The following RBFOX1 variants were observed in gnomAD, a reference collection of about 807,000 sequenced individuals.
RBFOX1 encodes the protein RNA binding fox-1 homolog 1.
Under a neutral mutation model 57.7 loss-of-function variants are expected in RBFOX1, and 8 were observed. The observed-to-expected ratio is 0.14, with a 90% CI of 0.08 to 0.25. The LOEUF is 0.25. RBFOX1 is among the 10% of genes least tolerant of loss of function. The pLI is 1.00. For missense variants in RBFOX1, 611 were observed against 548.5 expected, an observed-to-expected ratio of 1.11 and a Z score of -1.14; for synonymous variants, 326 against 222.4, an observed-to-expected ratio of 1.47 and a Z score of -4.15.
intron 3 of RBFOX1, among the ~76,000 whole-genome samples, chr16:5,661,662 G>A (rs1044645552): frequency 8.5e-5 from 13 of 152,314 alleles, no homozygotes; most frequent in South Asian, 2.1e-4. Flanking sequence ...GTCCTCACCC[G>A]TAGTTAGTTA....
chr16:6,494,159 C>T (rs1430765400), intron 2 of RBFOX1, among the ~76,000 whole-genome samples: 5 of 152,204 alleles, frequency 3.3e-5, no homozygotes, highest in Admixed American at 6.5e-5. Flanking sequence ...TTTTACCAAA[C>T]TGTAGTATCA....
intron 2 of RBFOX1, among the ~76,000 whole-genome samples, chr16:6,552,538 C>T (rs945713385): frequency 6.6e-6 from 1 of 152,150 alleles, no homozygotes. Context: ...TAAATGTTAC[C>T]TGTTATCCCA....
intron 2 of RBFOX1, among the ~76,000 whole-genome samples, chr16:6,586,715 C>G (rs771201481): frequency 6.6e-6 from 1 of 152,132 alleles, no homozygotes; most frequent in African/African-American, 2.4e-5. Context: ...AGCTCAGGAG[C>G]CTGACGGCAA....
At chr16:5,860,839 G>T (rs1435343090) in intron 3 of RBFOX1, among the ~76,000 whole-genome samples, 2 of 152,164 alleles carry the variant, frequency 1.3e-5, no homozygotes, top group African/African-American at 4.8e-5. Context: ...AGCAAAAAGA[G>T]GCCCTGATCT....
intron 1 of RBFOX1, among the ~76,000 whole-genome samples, chr16:5,347,143 C>T (rs757415147): frequency 1.3e-5 from 2 of 152,138 alleles, no homozygotes; most frequent in Admixed American, 6.5e-5. Context: ...CCTGATATCT[C>T]CCCTTCCTGC....
chr16:6,008,779 G>C (rs963310016), intron 4 of RBFOX1, among the ~76,000 whole-genome samples: 16 of 152,232 alleles, frequency 1.1e-4, no homozygotes, highest in Admixed American at 2.0e-4. Context: ...CATCTGTCCT[G>C]TGCTGTTCTG....
chr16:5,383,175 C>A (rs1770862630), intron 1 of RBFOX1, among the ~76,000 whole-genome samples: 1 of 152,176 alleles, frequency 6.6e-6, no homozygotes, highest in Non-Finnish European at 1.5e-5. Context: ...GAGACACAGC[C>A]AACAAGTCTT....
chr16:7,691,532 A>C (rs2077336247), intron 14 of RBFOX1, among the ~76,000 whole-genome samples: 1 of 136,088 alleles, frequency 7.3e-6, no homozygotes, highest in Non-Finnish European at 1.5e-5. Flanking sequence ...GTGCAGACTC[A>C]AAAAGAATAC....
intron 2 of RBFOX1, among the ~76,000 whole-genome samples, chr16:6,635,674 G>C (rs899109943): frequency 6.6e-6 from 1 of 152,138 alleles, no homozygotes; most frequent in Non-Finnish European, 1.5e-5. Flanking sequence ...TAAATCCAAT[G>C]AGTCTTACGG....
At chr16:6,009,491 C>T (rs920555123) in intron 4 of RBFOX1, among the ~76,000 whole-genome samples, 2 of 152,170 alleles carry the variant, frequency 1.3e-5, no homozygotes, top group African/African-American at 4.8e-5. Flanking sequence ...AGAAATGGCA[C>T]TTCCTGAGTG....
chr16:6,230,471 C>G (rs2097450837), intron 1 of RBFOX1, among the ~76,000 whole-genome samples: 1 of 152,148 alleles, frequency 6.6e-6, no homozygotes, highest in South Asian at 2.1e-4. Context: ...AAAACTTTTG[C>G]TTTTAACCTG....
At position 5,974,275 on chromosome 16, in the gene RBFOX1, A is replaced by G. The variant is rs1015757; in HGVS notation, c.351+106940A>G. Among the ~76,000 whole-genome samples, 712 of 152,338 alleles carry G rather than the reference A, an allele frequency of 4.7e-3. 5 individuals carry two copies. The highest frequency in any genetic ancestry group is 0.015 in the African/African-American group (641 of 41,564). On this transcript the variant is annotated intron_variant, in intron 4 of 19. Coordinates refer to the RBFOX1 transcript ENST00000641259. ...GGTAGAGTTTCATGAATAACTTGAT[A>G]AAGCCTTATTTCTCATCAAAGAGAG...
chr16:6,789,615 T>C (rs529733762), intron 3 of RBFOX1, among the ~76,000 whole-genome samples: 1 of 152,320 alleles, frequency 6.6e-6, no homozygotes, highest in East Asian at 1.9e-4. Context: ...GTGCCCATCT[T>C]TGCATAAAAG....
chr16:5,516,771 G>A (rs2043808040), intron 2 of RBFOX1, among the ~76,000 whole-genome samples: 1 of 152,106 alleles, frequency 6.6e-6, no homozygotes. Context: ...AGATCTGTTG[G>A]TTTTATAAGG....
chr16:6,038,434 A>C (rs2095395414), intron 1 of RBFOX1: 1 of 149,768 alleles, frequency 6.7e-6, no homozygotes, highest in African/African-American at 2.4e-5. Context: ...TGCCCACCTC[A>C]GCCTGCCAAA....
intron 4 of RBFOX1, among the ~76,000 whole-genome samples, chr16:7,099,334 T>A (rs888697464): frequency 2.6e-5 from 4 of 152,142 alleles, no homozygotes; most frequent in African/African-American, 9.7e-5. Flanking sequence ...TAAACTCATT[T>A]TGTACCAGCT....
At chr16:6,458,092 C>T (rs1258925263) in intron 2 of RBFOX1, among the ~76,000 whole-genome samples, 1 of 152,032 alleles carries the variant, frequency 6.6e-6, no homozygotes, top group African/African-American at 2.4e-5. Flanking sequence ...GCATCCAGGG[C>T]TGGGGAAGTT....
chr16:5,976,648 T>G (rs866373313), intron 4 of RBFOX1, among the ~76,000 whole-genome samples: 4 of 152,078 alleles, frequency 2.6e-5, no homozygotes, highest in African/African-American at 4.8e-5. Flanking sequence ...GTAGACAGAT[T>G]ACTTGAGGTC....
At chr16:6,789,985 C>G (rs990511650) in intron 3 of RBFOX1, among the ~76,000 whole-genome samples, 6 of 151,332 alleles carry the variant, frequency 4.0e-5, no homozygotes, top group African/African-American at 1.5e-4. Context: ...TGGTTTCTTA[C>G]GTTTATGAAT....
Sources: allele counts gnomAD v4.1 joint callset (sites outside exome capture counted in the v4.1 genomes callset), GRCh38; gene constraint gnomAD v4.1.1; transcripts MANE v1.5; gene names NCBI Gene and HGNC (gene_info 2026-07-23, HGNC 2026-07-21).